The following ATP13A4 variants were observed in gnomAD, a reference collection of about 807,000 sequenced individuals.
ATP13A4 encodes probable cation-transporting ATPase 13A4.
Under a neutral mutation model 142.5 loss-of-function variants are expected in ATP13A4, and 114 were observed. The observed-to-expected ratio is 0.80, with a 90% CI of 0.69 to 0.93. The LOEUF is 0.93. ATP13A4 is among the 40% of genes least tolerant of loss of function. The probability of loss-of-function intolerance (pLI) is 0.00; values close to 1 mark genes in which losing one functional copy is unlikely to be tolerated. For synonymous variants in ATP13A4, 488 were observed against 514.8 expected (o/e 0.95, Z 0.70); for missense variants, 1,392 against 1,454.0 (o/e 0.96, Z 0.69).
At chr3:193,509,532 A>T (rs940771350) in intron 2 of ATP13A4, among the ~76,000 whole-genome samples, 1 of 152,230 alleles carries the variant, frequency 6.6e-6, no homozygotes, top group Non-Finnish European at 1.5e-5. Context: ...TTGTATCCTC[A>T]TCTGTAAAAT....
intron 17 of ATP13A4, among the ~76,000 whole-genome samples, chr3:193,451,627 A>C (rs961126540): frequency 6.6e-5 from 10 of 152,342 alleles, no homozygotes; most frequent in African/African-American, 2.4e-4. Context: ...AGTATCTAAA[A>C]ATAATAAAGA....
chr3:193,520,239 C>T (rs1287184484), intron 1 of ATP13A4, among the ~76,000 whole-genome samples: 3 of 152,012 alleles, frequency 2.0e-5, no homozygotes, highest in Non-Finnish European at 4.4e-5. Context: ...GTTAATAAAC[C>T]CGTACTCTCC....
chr3:193,433,641 G>T (rs1038949208), intron 25 of ATP13A4, among the ~76,000 whole-genome samples: 1 of 152,154 alleles, frequency 6.6e-6, no homozygotes, highest in Non-Finnish European at 1.5e-5. Context: ...GCAAAATAAC[G>T]AGCAAGCTTT....
chr3:193,554,836 G>A lies in ATP13A4; in HGVS notation c.-37C>T, dbSNP rs200003267. The A allele has an allele frequency of 4.7e-5, 76 of 1,613,758 alleles. No individual in the cohort carries two copies. In the Admixed American group the frequency reaches 7.7e-4, roughly 16 times the overall value. The stretch of plus-strand genomic sequence containing the variant: ...TCCACACCTCCTCCCTGACCTTGTC[G>A]TGCAGACGCTTCCAGGATGAACTCC... On this transcript the variant is annotated 5_prime_UTR_variant, in exon 1 of 30. In the 5' UTR this introduces an upstream ATG that the reference lacks. Transcript: ENST00000342695.
rs559273024 is a variant in ATP13A4 at position 193,507,210 on chromosome 3, C to T, written c.235-4571G>A. 5.2e-4 allele frequency among the ~76,000 whole-genome samples: 79 copies of T among 152,258 alleles called. 1 individual carries two copies. Among genetic ancestry groups the T allele is most frequent in the Admixed American group, 7.2e-4 (11 of 15,302 alleles). ...AATGCTAAAAGGCTGAACTCTAGCT[C>T]ATGTGAAATACCTAGAGGATTATGG... On this transcript the variant is annotated intron_variant, in intron 2 of 29. Coordinates refer to ENST00000342695, the MANE Select transcript of ATP13A4 (RefSeq NM_032279.4).
In ATP13A4 at chr3:193,494,797, C is replaced by T. The variant is rs1488898178; in HGVS notation, c.382-1637G>A. Among the ~76,000 whole-genome samples the T allele has an allele frequency of 3.3e-5, 5 of 151,116 alleles. No homozygotes were observed. In the East Asian group the frequency reaches 7.8e-4, roughly 23 times the overall value. The stretch of plus-strand genomic sequence containing the variant: ...AACACAGGTAAATAAAACGAGACAA[C>T]AAAAGGTCAAAAAACCCAAAGAGCT... On this transcript the variant is annotated intron_variant, in intron 3 of 29. Coordinates refer to ENST00000342695, the MANE Select transcript of ATP13A4 (RefSeq NM_032279.4).
At position 193,457,146 on chromosome 3, in the gene ATP13A4, AC is replaced by A; in HGVS notation, c.1768del (p.Val590TrpfsTer19). Reference sequence around the variant, plus strand: ...CTGATGCAGGATTGCAATTCCTTCCACTGGGACCTGGTTGAGGGATGGGGAA... The same window carrying A: ...CTGATGCAGGATTGCAATTCCTTCCATGGGACCTGGTTGAGGGATGGGGAA... ...KPCRTASQVP[V>X]EGIAILHQFP... On this transcript the variant is annotated frameshift_variant, in exon 16 of 30. Coordinates refer to ENST00000342695, the MANE Select transcript of ATP13A4 (RefSeq NM_032279.4). LOFTEE classifies it high-confidence loss of function. 6.2e-7 allele frequency: 1 copy of A among 1,612,972 alleles called. No individual in the cohort carries two copies. The highest frequency in any genetic ancestry group is 8.5e-7 in the Non-Finnish European group (1 of 1,180,018).
At chr3:193,427,407 C>T (rs1715724458) in intron 25 of ATP13A4, among the ~76,000 whole-genome samples, 2 of 152,136 alleles carry the variant, frequency 1.3e-5, no homozygotes, top group South Asian at 4.2e-4. Context: ...ATGCCATCCA[C>T]ATCAAGCTAC....
chr3:193,452,811 A>G (rs1717362262), intron 17 of ATP13A4, among the ~76,000 whole-genome samples: 1 of 149,438 alleles, frequency 6.7e-6, no homozygotes, highest in Non-Finnish European at 1.5e-5. Context: ...CTTATATTAA[A>G]CAATTACAAA....
At position 193,410,471 on chromosome 3, in the gene ATP13A4, G is replaced by T. The variant is rs935106507; in HGVS notation, c.3297+511C>A. Among the ~76,000 whole-genome samples, 6 of 152,198 alleles carry T rather than the reference G, an allele frequency of 3.9e-5. No individual in the cohort carries two copies. The East Asian group carries it at 1.2e-3, about 29-fold the overall frequency. On this transcript the variant is annotated intron_variant, in intron 28 of 29. Transcript: ENST00000342695. ...CTTAAGCCTGTAAGCCTAGCGCGTT[G>T]GGAGGCCAAGGCAGGAGGCTAGCTT... is the stretch of plus-strand genomic sequence containing the variant.
rs1269768685 is a variant in ATP13A4 at position 193,441,499 on chromosome 3, A to G, written c.2406T>C (p.Val802=). Residue 802 remains valine, a synonymous_variant, in exon 20 of 30, where the codon GTT becomes GTC. Coordinates refer to ENST00000342695, the MANE Select transcript of ATP13A4 (RefSeq NM_032279.4). The part of the protein sequence containing the change: ...HFALTGKSFH[V]ISQHFSSLLP... Reference sequence around the variant, plus strand: ...GTAGGCTGCTGAAATGTTGACTTATAACATGAAAGGATTTTCCAGTTAGGG... The same window carrying G: ...GTAGGCTGCTGAAATGTTGACTTATGACATGAAAGGATTTTCCAGTTAGGG... The G allele has an allele frequency of 6.2e-7, 1 of 1,613,892 alleles. No individual in the cohort carries two copies. Among genetic ancestry groups the G allele is most frequent in the East Asian group, 2.2e-5 (1 of 44,818 alleles).
chr3:193,531,357 AGGAG>A (rs1312543723), intron 1 of ATP13A4, among the ~76,000 whole-genome samples: 22 of 43,030 alleles, frequency 5.1e-4, no homozygotes, highest in African/African-American at 1.4e-3. Flanking sequence ...AGAGGGAGGG[AGGAG>A]GGAGGGAGGG....
chr3:193,432,919 C>G (rs1056228101), intron 25 of ATP13A4, among the ~76,000 whole-genome samples: 2 of 151,966 alleles, frequency 1.3e-5, no homozygotes, highest in Non-Finnish European at 2.9e-5. Flanking sequence ...TATGTTCAAA[C>G]CCATAAAATG....
At chr3:193,588,596 C>T (rs1203982698) in intron 1 of ATP13A4, among the ~76,000 whole-genome samples, 4 of 152,140 alleles carry the variant, frequency 2.6e-5, no homozygotes, top group African/African-American at 9.7e-5. Flanking sequence ...CAACAGCCCC[C>T]TATCCAGTCT....
At chr3:193,460,659 C>T (rs1227604229) in intron 13 of ATP13A4, among the ~76,000 whole-genome samples, 1 of 152,142 alleles carries the variant, frequency 6.6e-6, no homozygotes, top group Admixed American at 6.5e-5. Flanking sequence ...CACTGAAAAG[C>T]AAAATACAGA....
chr3:193,539,985 A>C (rs1449349411), intron 1 of ATP13A4, among the ~76,000 whole-genome samples: 2 of 152,176 alleles, frequency 1.3e-5, no homozygotes, highest in African/African-American at 4.8e-5. Context: ...CAGAAGGAAG[A>C]TAATTGGATG....
intron 29 of ATP13A4, among the ~76,000 whole-genome samples, chr3:193,404,675 C>T (rs1013294444): frequency 5.3e-5 from 8 of 152,112 alleles, no homozygotes; most frequent in African/African-American, 1.9e-4. Flanking sequence ...CTTTGCTTTC[C>T]GCCATGATTG....
intron 24 of ATP13A4, among the ~76,000 whole-genome samples, chr3:193,434,156 G>A (rs1716129519): frequency 6.6e-6 from 1 of 152,084 alleles, no homozygotes; most frequent in African/African-American, 2.4e-5. Context: ...GGGTGGGATT[G>A]TTTGTGCATC....
chr3:193,418,349 A>C (rs6808371), intron 25 of ATP13A4, among the ~76,000 whole-genome samples: 66,312 of 147,108 alleles, frequency 0.45, 18,141 homozygotes, highest in Non-Finnish European at 0.57. Flanking sequence ...AGTCAACTGG[A>C]TGTCAGCAAG....
Sources: allele counts gnomAD v4.1 joint callset (sites outside exome capture counted in the v4.1 genomes callset), GRCh38; gene constraint gnomAD v4.1.1; transcripts MANE v1.5; gene names NCBI Gene and HGNC (gene_info 2026-07-23, HGNC 2026-07-21).